Variants in SUMF1 observed in about 807,000 individuals in gnomAD.
The protein encoded by SUMF1 is formylglycine-generating enzyme.
Under a neutral mutation model 47.6 loss-of-function variants are expected in SUMF1, and 48 were observed. The observed-to-expected ratio is 1.01, with a 90% CI of 0.80 to 1.28. The LOEUF is 1.28. Ranked by LOEUF, SUMF1 falls within the 50% of genes most tolerant of loss-of-function variation. The pLI is 0.00. For synonymous variants in SUMF1, 230 were observed against 192.1 expected (o/e 1.20, Z -1.63); for missense variants, 571 against 485.4 (o/e 1.18, Z -1.66).
intron 3 of SUMF1, among the ~76,000 whole-genome samples, chr3:4,447,766 G>A (rs1702830513): frequency 6.6e-6 from 1 of 152,142 alleles, no homozygotes; most frequent in African/African-American, 2.4e-5. Flanking sequence ...CTACAACCCA[G>A]TGAGAGCTGC....
intron 9 of SUMF1, among the ~76,000 whole-genome samples, chr3:4,062,072 C>T (rs2596894): frequency 2.0e-5 from 3 of 151,842 alleles, no homozygotes; most frequent in Non-Finnish European, 2.9e-5. Context: ...AACAGCACCC[C>T]CTTCCTCATA....
intron 9 of SUMF1, among the ~76,000 whole-genome samples, chr3:4,049,864 T>A (rs61032562): frequency 6.6e-6 from 1 of 152,040 alleles, no homozygotes; most frequent in African/African-American, 2.4e-5. Flanking sequence ...GGGGGTATTA[T>A]TGAGTGGTGG....
chr3:4,456,058 G>A (rs1225139480), intron 1 of SUMF1, among the ~76,000 whole-genome samples: 1 of 152,140 alleles, frequency 6.6e-6, no homozygotes, highest in African/African-American at 2.4e-5. Context: ...AGGATCAAAG[G>A]ATGATTCAAC....
chr3:4,080,047 A>G lies in SUMF1; in HGVS notation c.1015-11302T>C, dbSNP rs543524015. On this transcript the variant is annotated intron_variant and NMD_transcript_variant, in intron 8 of 12. Transcript: ENST00000448413. Reference sequence around the variant, plus strand: ...GAGTCAGAATCCAAATGATCTTCACAGAGTAGTCACTCCCAGAGGGTCCTG... The same window carrying G: ...GAGTCAGAATCCAAATGATCTTCACGGAGTAGTCACTCCCAGAGGGTCCTG... Among the ~76,000 whole-genome samples, 80 of 152,126 alleles carry G rather than the reference A, an allele frequency of 5.3e-4. 3 individuals carry two copies. The South Asian group carries it at 0.016, about 31-fold the overall frequency.
chr3:4,466,262 C>T (rs1331237106), intron 1 of SUMF1, among the ~76,000 whole-genome samples: 2 of 152,168 alleles, frequency 1.3e-5, no homozygotes, highest in Non-Finnish European at 2.9e-5. Context: ...CAGGCGCCCG[C>T]CACCACGCCC....
At position 4,457,038 on chromosome 3, in the gene SUMF1, G is replaced by GTATATATATACACGTGTGTGTGTATATA. The variant is rs1559313302; in HGVS notation, c.271-3990_271-3989insTATATACACACACACGTGTATATATATA. Reference sequence around the variant, plus strand: ...TGTGTACATATATATACGTGTGTGTGTATATATATATACGTGTGTGTATAT... The same window carrying GTATATATATACACGTGTGTGTGTATATA: ...TGTGTACATATATATACGTGTGTGTGTATATATATACACGTGTGTGTGTATATATATATATATATACGTGTGTGTATAT... On this transcript the variant is annotated intron_variant, in intron 1 of 8. Transcript: ENST00000272902. Among the ~76,000 whole-genome samples, 20 of 109,252 alleles carry GTATATATATACACGTGTGTGTGTATATA rather than the reference G, an allele frequency of 1.8e-4. No individual in the cohort carries two copies. The East Asian group carries it at 4.9e-3, about 27-fold the overall frequency. 71.7% of individuals were successfully genotyped at this position (109,252 alleles called of 152,430 possible). A position where few individuals can be genotyped will look rare whatever the true frequency, so the allele number is the denominator to read the frequency against.
intron 8 of SUMF1, among the ~76,000 whole-genome samples, chr3:4,122,903 C>T (rs1326057914): frequency 2.0e-5 from 3 of 152,150 alleles, no homozygotes; most frequent in Admixed American, 1.3e-4. Context: ...TGCAACACCT[C>T]GGCATCAACC....
chr3:4,166,886 T>C (rs1694719505), intron 8 of SUMF1, among the ~76,000 whole-genome samples: 2 of 151,636 alleles, frequency 1.3e-5, no homozygotes, highest in Non-Finnish European at 1.5e-5. Flanking sequence ...GAGTCGGGGG[T>C]GGTTAGAGAG....
chr3:4,349,237 T>A (rs1480612558), intron 8 of SUMF1, among the ~76,000 whole-genome samples: 1 of 152,134 alleles, frequency 6.6e-6, no homozygotes, highest in Non-Finnish European at 1.5e-5. Context: ...CCAATGGACA[T>A]ATGAAAAAAA....
At chr3:4,440,980 T>C (rs1200516336) in intron 3 of SUMF1, among the ~76,000 whole-genome samples, 4 of 141,208 alleles carry the variant, frequency 2.8e-5, no homozygotes, top group African/African-American at 9.8e-5. Context: ...TCTTAAATAC[T>C]ATCCTTTTTT....
intron 8 of SUMF1, among the ~76,000 whole-genome samples, chr3:4,080,094 A>G (rs1037470937): frequency 6.6e-6 from 1 of 151,962 alleles, no homozygotes; most frequent in African/African-American, 2.4e-5. Flanking sequence ...GGTGAGGAAC[A>G]CTTTTACCCG....
intron 8 of SUMF1, among the ~76,000 whole-genome samples, chr3:4,280,958 C>G (rs1697517660): frequency 6.6e-6 from 1 of 151,810 alleles, no homozygotes. Flanking sequence ...ACCTGATCAC[C>G]TGCAAAGACC....
chr3:4,209,361 A>T (rs1209135393), intron 8 of SUMF1, among the ~76,000 whole-genome samples: 1 of 152,166 alleles, frequency 6.6e-6, no homozygotes. Context: ...ACTTTATTCA[A>T]ATTCAGTTTC....
chr3:4,179,928 A>T (rs539250124), intron 8 of SUMF1, among the ~76,000 whole-genome samples: 1 of 152,208 alleles, frequency 6.6e-6, no homozygotes, highest in Non-Finnish European at 1.5e-5. Flanking sequence ...ATGCAGCCAA[A>T]AGACACATGA....
At chr3:4,158,379 A>C (rs1694501124) in intron 8 of SUMF1, among the ~76,000 whole-genome samples, 1 of 151,528 alleles carries the variant, frequency 6.6e-6, no homozygotes, top group South Asian at 2.1e-4. Flanking sequence ...AACGTGGTCT[A>C]TCCCGAGAAT....
intron 9 of SUMF1, among the ~76,000 whole-genome samples, chr3:4,052,837 TA>T (rs2125024008): frequency 6.6e-6 from 1 of 152,266 alleles, no homozygotes; most frequent in South Asian, 2.1e-4. Flanking sequence ...GGCTTTGGCT[TA>T]AAGAAATGTT....
chr3:4,305,767 C>G (rs1452126730), intron 8 of SUMF1, among the ~76,000 whole-genome samples: 1 of 152,136 alleles, frequency 6.6e-6, no homozygotes, highest in African/African-American at 2.4e-5. Context: ...CCCCAGGTGC[C>G]TTGGGTAGGA....
At chr3:4,449,173 A>C in intron 3 of SUMF1, 93 bp downstream of exon 3, 1 of 1,319,812 alleles carries the variant, frequency 7.6e-7, no homozygotes. Flanking sequence ...TGTTACAGGG[A>C]GAGGAAGGTG....
At chr3:4,213,684 C>T (rs1481374762) in intron 8 of SUMF1, among the ~76,000 whole-genome samples, 1 of 152,096 alleles carries the variant, frequency 6.6e-6, no homozygotes, top group African/African-American at 2.4e-5. Flanking sequence ...TTCAAAGACA[C>T]ACATAGGCTC....
Sources: gnomAD v4.1 joint callset for allele counts (sites outside exome capture counted in the v4.1 genomes callset) on GRCh38, gnomAD v4.1.1 for gene constraint, MANE v1.5 for transcripts, NCBI Gene and HGNC (gene_info 2026-07-23, HGNC 2026-07-21) for gene names.